The following ZNF585B variants were observed in gnomAD, a reference collection of about 807,000 sequenced individuals.
The protein encoded by ZNF585B is zinc finger protein 41-like protein.
In ZNF585B, 7 loss-of-function variants were observed where a neutral mutation model predicts 14.0. The ratio of observed to expected loss-of-function variants is 0.50; its 90% CI spans 0.28 to 0.94. ZNF585B has a LOEUF of 0.94. Among genes scored for constraint, ZNF585B ranks in the 40% least tolerant of loss-of-function variants. The pLI is 0.09. For missense variants in ZNF585B, 750 were observed against 924.4 expected, an observed-to-expected ratio of 0.81 and a Z score of 2.45; for synonymous variants, 290 against 317.3, an observed-to-expected ratio of 0.91 and a Z score of 0.91.
At chr19:37,196,860 A>G (rs1013697604) in intron 2 of ZNF585B, among the ~76,000 whole-genome samples, 1 of 152,156 alleles carries the variant, frequency 6.6e-6, no homozygotes, top group Non-Finnish European at 1.5e-5. Flanking sequence ...GCAGGCTATC[A>G]GTAGTTAAGT....
intron 2 of ZNF585B, among the ~76,000 whole-genome samples, chr19:37,204,485 G>C (rs555715044): frequency 6.6e-6 from 1 of 152,324 alleles, no homozygotes; most frequent in African/African-American, 2.4e-5. Flanking sequence ...AGACCACTCT[G>C]TCGTTATATT....
intron 1 of ZNF585B, among the ~76,000 whole-genome samples, chr19:37,209,452 T>C (rs1371115709): frequency 6.6e-6 from 1 of 152,104 alleles, no homozygotes; most frequent in Non-Finnish European, 1.5e-5. Flanking sequence ...TAGTTTTAAA[T>C]ATATAAAGCA....
At chr19:37,200,261 C>T (rs902929359) in intron 2 of ZNF585B, among the ~76,000 whole-genome samples, 3 of 150,534 alleles carry the variant, frequency 2.0e-5, no homozygotes, top group African/African-American at 7.3e-5. Flanking sequence ...TGCTAAAACA[C>T]AAAAGGTAGG....
rs531460789 is a variant in ZNF585B, at chr19:37,184,635, G to A, written c.*592C>T. The A allele has an allele frequency of 1.6e-3, 285 of 178,922 alleles. 1 individual carries two copies. Among genetic ancestry groups the A allele is most frequent in the Non-Finnish European group, 2.2e-3 (188 of 86,082 alleles). 11.1% of individuals were successfully genotyped at this position (178,922 alleles called of 1,614,324 possible). ...GTAAGTCTTTTTCTATGACAATGGG[G>A]ACTCAACATACGCTCTGAGGTCTGT... On this transcript the variant is annotated 3_prime_UTR_variant, in exon 5 of 5. Transcript: ENST00000532828.
Position 37,184,437 on chromosome 19 carries a change from A to AG in ZNF585B, c.*789_*790insC. On this transcript the variant is annotated 3_prime_UTR_variant, in exon 5 of 5. Transcript: ENST00000532828. ...GAAAGAGAAAGAAAGAAAAAGAAAG[A>AG]AAGAAGGAAAGAAAGAAAGAAAGAA... is the stretch of plus-strand genomic sequence containing the variant. 2 of 78,242 alleles carry AG rather than the reference A, an allele frequency of 2.6e-5. 1 individual carries two copies. Among genetic ancestry groups the AG allele is most frequent in the African/African-American group, 1.2e-4 (2 of 17,118 alleles). The allele number at this position is 78,242 out of a possible 1,614,324, so 4.8% of individuals were successfully genotyped here.
At chr19:37,189,935 CT>C in intron 3 of ZNF585B, 88 bp downstream of exon 3, 2 of 1,582,836 alleles carry the variant, frequency 1.3e-6, no homozygotes. Flanking sequence ...AAACCATCAC[CT>C]ATCTAAGATG....
chr19:37,189,889 C>T, intron 3 of ZNF585B, 135 bp downstream of exon 3: 1 of 1,557,330 alleles, frequency 6.4e-7, no homozygotes, highest in Non-Finnish European at 8.7e-7. Context: ...TCTGAGTACC[C>T]TAAACAAACA....
At chr19:37,188,137 A>C (rs1360880386) in intron 4 of ZNF585B, among the ~76,000 whole-genome samples, 1 of 152,228 alleles carries the variant, frequency 6.6e-6, no homozygotes, top group African/African-American at 2.4e-5. Context: ...TCCTAAACTA[A>C]AGACAATGAT....
In ZNF585B at chr19:37,185,620, A is replaced by T. The variant is rs1610557; in HGVS notation, c.1917T>A (p.Cys639Ter). Residue 639 changes from cysteine to a stop codon, truncating the protein, a stop_gained, in exon 5 of 5, where the codon TGT becomes TGA. Transcript: ENST00000532828. LOFTEE classifies it low-confidence loss of function (END_TRUNC). ...TGEKPYVCAE[C>*]GKAFSGRSNL... is the part of the protein sequence containing the mutation. ...TTGACCTGCCACTAAAGGCTTTCCCACACTCGGCACACACATAGGGTTTCT... is the reference window on the plus strand; with the variant it reads ...TTGACCTGCCACTAAAGGCTTTCCCTCACTCGGCACACACATAGGGTTTCT... 3 of 1,613,932 alleles carry T rather than the reference A, an allele frequency of 1.9e-6. No individual in the cohort carries two copies. Among genetic ancestry groups the T allele is most frequent in the Non-Finnish European group, 1.7e-6 (2 of 1,179,944 alleles).
chr19:37,189,208 G>A (rs1042262370), intron 4 of ZNF585B, among the ~76,000 whole-genome samples: 1 of 152,130 alleles, frequency 6.6e-6, no homozygotes, highest in African/African-American at 2.4e-5. Flanking sequence ...AAAGTGCTGG[G>A]ATTACAGGCA....
rs1364951896 is a variant in ZNF585B, at chr19:37,210,485, T to C, written c.-188A>G. 1.3e-5 allele frequency: 2 copies of C among 152,170 alleles called. No individual in the cohort carries two copies. Among genetic ancestry groups the C allele is most frequent in the Non-Finnish European group, 2.9e-5 (2 of 68,056 alleles). 9.4% of individuals were successfully genotyped at this position (152,170 alleles called of 1,614,324 possible). ...TCTCGGCATTAAAACGTGAAAATAG[T>C]CCTGACGCCAGCGGCGAAATAGCCT... On this transcript the variant is annotated 5_prime_UTR_variant, in exon 1 of 5. Coordinates refer to ENST00000532828, the MANE Select transcript of ZNF585B (RefSeq NM_152279.4).
Position 37,182,316 on chromosome 19 carries a change from T to C in ZNF585B, c.*2911A>G, listed in dbSNP as rs1313923812. ...TCATGAGGAGTGATACACTTAGGAG[T>C]AAGGTAAAATGGGAATAATGAAGGG... On this transcript the variant is annotated 3_prime_UTR_variant, in exon 5 of 5. Transcript: ENST00000532828. The C allele has an allele frequency of 6.6e-6, 1 of 151,768 alleles. No homozygotes were observed. The highest frequency in any genetic ancestry group is 1.5e-5 in the Non-Finnish European group (1 of 67,972). The allele number at this position is 151,768 out of a possible 1,614,324, so 9.4% of individuals were successfully genotyped here.
intron 2 of ZNF585B, among the ~76,000 whole-genome samples, chr19:37,198,447 C>G (rs1599766669): frequency 1.3e-5 from 2 of 152,270 alleles, no homozygotes; most frequent in Admixed American, 6.5e-5. Context: ...GCTGGGATTA[C>G]AGGCATGAGC....
In ZNF585B at chr19:37,185,246, T is replaced by C; in HGVS notation, c.2291A>G (p.His764Arg). 1 of 1,613,402 alleles carries C rather than the reference T, an allele frequency of 6.2e-7. No individual in the cohort carries two copies. The highest frequency in any genetic ancestry group is 2.2e-5 in the East Asian group (1 of 44,896). Residue 764 changes from histidine (H) to arginine (R), a missense_variant, in exon 5 of 5, where the codon CAT becomes CGT. By Grantham distance (29) the His-to-Arg change is conservative. This residue lies in a region of ZNF585B where 233 missense variants were observed against 354.1 expected (regional missense o/e 0.66). Coordinates refer to ENST00000532828, the MANE Select transcript of ZNF585B (RefSeq NM_152279.4). ...GFVQKSVFSVHQSSHA is the reference protein window; with the variant it reads ...GFVQKSVFSVRQSSHA Reference sequence around the variant, plus strand: ...TTTCTCTCAAGCGTGGCTGCTCTGATGAACACTGAACACTGATTTCTGAAC... The same window carrying C: ...TTTCTCTCAAGCGTGGCTGCTCTGACGAACACTGAACACTGATTTCTGAAC...
At chr19:37,199,202 C>G (rs1307399225) in intron 2 of ZNF585B, 2 of 488,518 alleles carry the variant, frequency 4.1e-6, no homozygotes, top group African/African-American at 3.9e-5. Context: ...TGGAATAGAG[C>G]TTTACCACCT....
intron 1 of ZNF585B, among the ~76,000 whole-genome samples, chr19:37,209,792 C>T (rs1272335836): frequency 6.7e-6 from 1 of 149,840 alleles, no homozygotes; most frequent in African/African-American, 2.5e-5. Context: ...CTGGGCTCAC[C>T]GCAAGCTCCG....
rs201800593 is a variant in ZNF585B, at chr19:37,192,516, A to T, written c.73-2366T>A. ...AGCGAGAACCTGTCTCAAAAAAAAA[A>T]AAAATAAAATAAGGCCGGGCGCAGT... is the stretch of plus-strand genomic sequence containing the variant. On this transcript the variant is annotated intron_variant, in intron 2 of 4. Transcript: ENST00000532828. Among the ~76,000 whole-genome samples, 1,262 of 143,428 alleles carry T rather than the reference A, an allele frequency of 8.8e-3. 10 individuals are homozygous for T. The highest frequency in any genetic ancestry group is 0.015 in the East Asian group (79 of 5,146). The allele number at this position is 143,428 out of a possible 152,430, so 94.1% of individuals were successfully genotyped here.
At chr19:37,198,157 CTTAT>C (rs561186269) in intron 2 of ZNF585B, among the ~76,000 whole-genome samples, 19 of 151,942 alleles carry the variant, frequency 1.3e-4, no homozygotes, top group Non-Finnish European at 2.4e-4. Context: ...GAATAGAGAG[CTTAT>C]TTATTTATTT....
At chr19:37,205,479 TG>T (rs1053219469) in intron 2 of ZNF585B, among the ~76,000 whole-genome samples, 57 of 152,212 alleles carry the variant, frequency 3.7e-4, no homozygotes, top group African/African-American at 1.3e-3. Flanking sequence ...AAAACAGCAA[TG>T]TACAAAAAAG....
Sources: allele counts gnomAD v4.1 joint callset (sites outside exome capture counted in the v4.1 genomes callset), GRCh38; gene constraint gnomAD v4.1.1; regional missense constraint gnomAD v4.1.1; transcripts MANE v1.5; gene names NCBI Gene and HGNC (gene_info 2026-07-23, HGNC 2026-07-21).